The following LNPK variants were observed in gnomAD, a reference collection of about 807,000 sequenced individuals.
LNPK encodes the protein lunapark, ER junction formation factor, also known as endoplasmic reticulum junction formation protein lunapark.
A neutral mutation model predicts 55.2 loss-of-function variants in LNPK; 29 were observed. That is an observed-to-expected ratio of 0.53 (90% CI 0.39 to 0.72). The LOEUF is 0.72. Ranked by LOEUF, LNPK falls within the 30% of genes least tolerant of loss-of-function variation. LNPK has a pLI of 0.00. For missense variants in LNPK, 467 were observed against 494.8 expected (o/e 0.94, Z 0.53); for synonymous variants, 162 against 168.2 (o/e 0.96, Z 0.29).
chr2:175,993,099 T>C, intron 3 of LNPK, 83 bp downstream of exon 3: 1 of 787,590 alleles, frequency 1.3e-6, no homozygotes, highest in Non-Finnish European at 2.0e-6. Flanking sequence ...ATACCAGATT[T>C]GGTCTCCAAA....
intron 8 of LNPK, among the ~76,000 whole-genome samples, chr2:175,953,535 G>C (rs945456278): frequency 6.6e-6 from 1 of 151,976 alleles, no homozygotes; most frequent in Non-Finnish European, 1.5e-5. Flanking sequence ...AAACAAAAAC[G>C]TAGGTCACAT....
intron 8 of LNPK, among the ~76,000 whole-genome samples, chr2:175,959,394 G>C (rs1043754910): frequency 6.6e-6 from 1 of 152,178 alleles, no homozygotes; most frequent in Non-Finnish European, 1.5e-5. Flanking sequence ...AGACAGAAGA[G>C]AGCGGGGGTC....
intron 8 of LNPK, among the ~76,000 whole-genome samples, chr2:175,949,319 T>C (rs1685291280): frequency 6.6e-6 from 1 of 152,132 alleles, no homozygotes; most frequent in Admixed American, 6.6e-5. Flanking sequence ...AAGGAGCACC[T>C]TAATAGGTGG....
At chr2:175,958,916 G>T (rs963086278) in intron 8 of LNPK, among the ~76,000 whole-genome samples, 5 of 152,140 alleles carry the variant, frequency 3.3e-5, no homozygotes, top group Non-Finnish European at 5.9e-5. Flanking sequence ...CGAGAACTAC[G>T]TGATGCATGC....
chr2:175,964,239 C>A (rs924245020), intron 8 of LNPK, 133 bp downstream of exon 8: 1 of 626,158 alleles, frequency 1.6e-6, no homozygotes, highest in South Asian at 2.3e-5. Context: ...AAGTCATATC[C>A]CAAATTACCA....
intron 9 of LNPK, among the ~76,000 whole-genome samples, chr2:175,945,152 G>A (rs775353277): frequency 7.3e-5 from 11 of 151,374 alleles, no homozygotes; most frequent in African/African-American, 9.7e-5. Flanking sequence ...GCCCATCTCC[G>A]CCTCCCAAAG....
chr2:175,931,193 A>G (rs765073416), intron 12 of LNPK, among the ~76,000 whole-genome samples: 6 of 152,174 alleles, frequency 3.9e-5, no homozygotes, highest in Non-Finnish European at 8.8e-5. Context: ...TCAGTTGAGA[A>G]AAAAAGCATA....
At chr2:175,944,762 A>G (rs1351830005) in intron 9 of LNPK, among the ~76,000 whole-genome samples, 1 of 152,228 alleles carries the variant, frequency 6.6e-6, no homozygotes, top group Non-Finnish European at 1.5e-5. Context: ...ATACTACATT[A>G]TACTAAATTC....
At chr2:175,976,187 A>G (rs1304704960) in intron 5 of LNPK, among the ~76,000 whole-genome samples, 1 of 152,226 alleles carries the variant, frequency 6.6e-6, no homozygotes, top group Non-Finnish European at 1.5e-5. Flanking sequence ...TCTGGTTGCA[A>G]TGGGAAGCTA....
At chr2:175,965,803 A>G (rs1023221753) in intron 6 of LNPK, among the ~76,000 whole-genome samples, 1 of 6,070 alleles carries the variant, frequency 1.6e-4, no homozygotes, top group Non-Finnish European at 3.7e-4. Context: ...TAGAGTTAGA[A>G]AAAAAAAAAC....
intron 4 of LNPK, among the ~76,000 whole-genome samples, chr2:175,982,347 A>G: frequency 6.6e-6 from 1 of 152,188 alleles, no homozygotes; most frequent in Admixed American, 6.5e-5. Context: ...TTGTCAGTGT[A>G]AATACTACAA....
intron 5 of LNPK, among the ~76,000 whole-genome samples, chr2:175,979,425 G>A (rs1687064760): frequency 6.6e-6 from 1 of 152,020 alleles, no homozygotes; most frequent in Admixed American, 6.6e-5. Flanking sequence ...TGGAAGTGGT[G>A]GCACGCACCT....
intron 1 of LNPK, among the ~76,000 whole-genome samples, chr2:176,001,647 T>C (rs965816034): frequency 2.6e-5 from 4 of 152,128 alleles, no homozygotes; most frequent in African/African-American, 7.2e-5. Flanking sequence ...CCCGGCAGCA[T>C]GACACTGACA....
At chr2:175,930,242 T>C (rs375362713) in intron 12 of LNPK, 43 bp from the exon 13 acceptor site, 120 of 1,525,068 alleles carry the variant, frequency 7.9e-5, no homozygotes, top group Non-Finnish European at 1.0e-4. Flanking sequence ...ACCTGAACGT[T>C]AAAACTGCTA....
intron 8 of LNPK, among the ~76,000 whole-genome samples, chr2:175,959,588 T>C (rs1415815095): frequency 6.6e-6 from 1 of 152,176 alleles, no homozygotes; most frequent in South Asian, 2.1e-4. Context: ...GAACTAACGG[T>C]ACCAGCCACT....
At chr2:175,987,910 C>A (rs1285556649) in intron 4 of LNPK, among the ~76,000 whole-genome samples, 1 of 152,058 alleles carries the variant, frequency 6.6e-6, no homozygotes. Flanking sequence ...CAGAGGACAG[C>A]GTAAACATTT....
Position 175,999,837 on chromosome 2 carries a change from C to T in LNPK, c.-63+2323G>A, listed in dbSNP as rs1688096382. ...CTGGAGTGCAGTGGCACAATCTCAA[C>T]TCACTGCAACCACCGCCTCCTGGGT... On this transcript the variant is annotated intron_variant, in intron 1 of 12. Transcript: ENST00000272748. Among the ~76,000 whole-genome samples the T allele has an allele frequency of 1.3e-5, 2 of 152,192 alleles. 1 individual carries two copies. Among genetic ancestry groups the T allele is most frequent in the South Asian group, 4.1e-4 (2 of 4,830 alleles).
Position 175,928,206 on chromosome 2 carries a change from AT to A in LNPK, c.*1760del, listed in dbSNP as rs1684092878. On this transcript the variant is annotated 3_prime_UTR_variant, in exon 13 of 13. Coordinates refer to ENST00000272748, the MANE Select transcript of LNPK (RefSeq NM_030650.3). ...AGAAGCTGAATTACATGTTCGTATTATTTTTTACTTTCCTCATCTGCAAGAG... is the reference window on the plus strand; with the variant it reads ...AGAAGCTGAATTACATGTTCGTATTATTTTTACTTTCCTCATCTGCAAGAG... 1 of 152,120 alleles carries A rather than the reference AT, an allele frequency of 6.6e-6. No homozygotes were observed. Among genetic ancestry groups the A allele is most frequent in the African/African-American group, 2.4e-5 (1 of 41,420 alleles). The allele number at this position is 152,120 out of a possible 1,614,324, so 9.4% of individuals were successfully genotyped here.
chr2:176,002,508 T>G (rs1265922505), upstream of LNPK: 2 of 209,798 alleles, frequency 9.5e-6, no homozygotes, highest in African/African-American at 4.8e-5. Flanking sequence ...TAGTTATTTC[T>G]TACTCTTCCG....
Sources: gnomAD v4.1 joint callset for allele counts (sites outside exome capture counted in the v4.1 genomes callset) on GRCh38, gnomAD v4.1.1 for gene constraint, MANE v1.5 for transcripts, NCBI Gene and HGNC (gene_info 2026-07-23, HGNC 2026-07-21) for gene names.